The following SDK1 variants were observed in gnomAD, a reference collection of about 807,000 sequenced individuals.
The protein encoded by SDK1 is sidekick cell adhesion molecule 1.
Under a neutral mutation model 245.5 loss-of-function variants are expected in SDK1, and 157 were observed. The ratio of observed to expected loss-of-function variants is 0.64; its 90% CI spans 0.56 to 0.73. The LOEUF is 0.73. SDK1 is among the 30% of genes least tolerant of loss of function. The pLI is 0.00. For synonymous variants in SDK1, 1,647 were observed against 1,278.5 expected, an observed-to-expected ratio of 1.29 and a Z score of -6.15; for missense variants, 3,583 against 3,002.3, an observed-to-expected ratio of 1.19 and a Z score of -4.52.
chr7:4,235,456 G>A (rs554616358), intron 41 of SDK1, among the ~76,000 whole-genome samples: 5 of 152,236 alleles, frequency 3.3e-5, no homozygotes, highest in South Asian at 2.1e-4. Context: ...GAGTCACGGC[G>A]CCCAGCTGAC....
chr7:3,789,201 G>A (rs1156592890), intron 4 of SDK1, among the ~76,000 whole-genome samples: 1 of 152,140 alleles, frequency 6.6e-6, no homozygotes, highest in Non-Finnish European at 1.5e-5. Flanking sequence ...AGGCTGGAGT[G>A]CAGTGGCATG....
chr7:3,368,352 A>G (rs1213701941), intron 1 of SDK1, among the ~76,000 whole-genome samples: 1 of 152,224 alleles, frequency 6.6e-6, no homozygotes, highest in Non-Finnish European at 1.5e-5. Context: ...GTTAAAACGA[A>G]CACTTAAAAA....
chr7:4,022,988 A>T (rs1787042436), intron 17 of SDK1, among the ~76,000 whole-genome samples: 1 of 151,754 alleles, frequency 6.6e-6, no homozygotes, highest in Non-Finnish European at 1.5e-5. Context: ...GTTACCCAGG[A>T]TGGTCTCGAT....
At chr7:3,464,715 T>TAC (rs768563308) in intron 1 of SDK1, among the ~76,000 whole-genome samples, 9 of 150,746 alleles carry the variant, frequency 6.0e-5, no homozygotes, top group East Asian at 3.9e-4. Flanking sequence ...TATATATATA[T>TAC]ACACACACAC....
intron 4 of SDK1, among the ~76,000 whole-genome samples, chr7:3,739,186 T>A (rs1411785398): frequency 6.6e-6 from 1 of 152,220 alleles, no homozygotes; most frequent in Non-Finnish European, 1.5e-5. Context: ...TGTTCTTTTC[T>A]TGACAAGTAA....
rs376935964 is a variant in SDK1, at chr7:3,622,585, C to G, written c.458+3346C>G. ...CCTTTCAGAATTATAAGACAACTTG[C>G]AGTCAACTTAAAACTGCAGGAAGAG... On this transcript the variant is annotated intron_variant, in intron 2 of 44. Coordinates refer to ENST00000404826, the MANE Select transcript of SDK1 (RefSeq NM_152744.4). Among the ~76,000 whole-genome samples the G allele has an allele frequency of 1.6e-4, 25 of 152,274 alleles. No homozygotes were observed. The East Asian group carries it at 4.8e-3, about 29-fold the overall frequency.
At chr7:3,536,657 C>G (rs979473079) in intron 1 of SDK1, among the ~76,000 whole-genome samples, 4 of 151,766 alleles carry the variant, frequency 2.6e-5, no homozygotes, top group Admixed American at 2.0e-4. Context: ...TTGTGCCACT[C>G]CACTCCAGCC....
chr7:3,945,734 C>G (rs1322884307), intron 5 of SDK1, among the ~76,000 whole-genome samples: 1 of 151,284 alleles, frequency 6.6e-6, no homozygotes, highest in Non-Finnish European at 1.5e-5. Flanking sequence ...CCTGTCTCTA[C>G]TAAAAATACA....
intron 5 of SDK1, among the ~76,000 whole-genome samples, chr7:3,842,379 C>A (rs1434676043): frequency 6.6e-6 from 1 of 152,168 alleles, no homozygotes; most frequent in African/African-American, 2.4e-5. Flanking sequence ...GGCCTGGGTA[C>A]TGGGTCACTG....
At chr7:3,308,301 G>C (rs1168382459) in intron 1 of SDK1, among the ~76,000 whole-genome samples, 1 of 152,142 alleles carries the variant, frequency 6.6e-6, no homozygotes, top group East Asian at 1.9e-4. Flanking sequence ...CGATGGATGA[G>C]AATGTTTATA....
chr7:3,553,027 G>C (rs1450311184), intron 1 of SDK1, among the ~76,000 whole-genome samples: 3 of 152,046 alleles, frequency 2.0e-5, no homozygotes, highest in Non-Finnish European at 2.9e-5. Context: ...GGAAAATACA[G>C]AGAAATAGTA....
intron 4 of SDK1, among the ~76,000 whole-genome samples, chr7:3,670,969 T>C (rs1037559664): frequency 6.6e-6 from 1 of 152,238 alleles, no homozygotes; most frequent in African/African-American, 2.4e-5. Flanking sequence ...CAGCACATCC[T>C]GTAACTTTTT....
At chr7:3,806,090 C>G (rs1330143662) in intron 4 of SDK1, among the ~76,000 whole-genome samples, 1 of 152,158 alleles carries the variant, frequency 6.6e-6, no homozygotes, top group Non-Finnish European at 1.5e-5. Context: ...GGCTTGTAGC[C>G]CTCCCACCAT....
At chr7:3,828,262 A>G (rs1779826918) in intron 5 of SDK1, among the ~76,000 whole-genome samples, 1 of 152,178 alleles carries the variant, frequency 6.6e-6, no homozygotes, top group Non-Finnish European at 1.5e-5. Flanking sequence ...AAGGCGACGG[A>G]GCAAGACTCT....
At chr7:3,806,816 C>T (rs1007391006) in intron 4 of SDK1, among the ~76,000 whole-genome samples, 1 of 152,074 alleles carries the variant, frequency 6.6e-6, no homozygotes, top group Non-Finnish European at 1.5e-5. Flanking sequence ...AAAGTAGCTG[C>T]TGCCCCTTTT....
intron 40 of SDK1, chr7:4,233,043 T>C (rs531897013): frequency 1.3e-5 from 7 of 520,004 alleles, no homozygotes; most frequent in Non-Finnish European, 2.4e-5. Context: ...ATTGAGCACG[T>C]TGTTCTACAA....
At chr7:4,222,088 A>G (rs1475362018) in intron 40 of SDK1, among the ~76,000 whole-genome samples, 4 of 152,202 alleles carry the variant, frequency 2.6e-5, no homozygotes, top group Non-Finnish European at 4.4e-5. Context: ...CAGGGACGCT[A>G]TTCAGGAAGC....
intron 1 of SDK1, among the ~76,000 whole-genome samples, chr7:3,384,558 C>T (rs1411549175): frequency 6.6e-6 from 1 of 151,800 alleles, no homozygotes; most frequent in Non-Finnish European, 1.5e-5. Flanking sequence ...TGTCTGAAGA[C>T]AGACATTTCC....
intron 4 of SDK1, among the ~76,000 whole-genome samples, chr7:3,792,641 T>C (rs113952458): frequency 1.7e-5 from 2 of 120,872 alleles, no homozygotes; most frequent in Non-Finnish European, 3.7e-5. Flanking sequence ...CATCCATCCA[T>C]CCACCTGTCC....
Sources: allele counts gnomAD v4.1 joint callset (sites outside exome capture counted in the v4.1 genomes callset), GRCh38; gene constraint gnomAD v4.1.1; transcripts MANE v1.5; gene names NCBI Gene and HGNC (gene_info 2026-07-23, HGNC 2026-07-21).